The following INPP4B variants were observed in gnomAD, a reference collection of about 807,000 sequenced individuals.
INPP4B encodes inositol polyphosphate-4-phosphatase type II B, also known as inositol polyphosphate 4-phosphatase type II.
Under a neutral mutation model 122.5 loss-of-function variants are expected in INPP4B, and 55 were observed. The ratio of observed to expected loss-of-function variants is 0.45; its 90% confidence interval spans 0.36 to 0.56. INPP4B has a LOEUF of 0.56. Ranked by LOEUF, INPP4B falls within the 20% of genes least tolerant of loss-of-function variation. The probability of loss-of-function intolerance (pLI) is 0.00; values close to 1 mark genes in which losing one functional copy is unlikely to be tolerated. For missense variants in INPP4B, 1,000 were observed against 1,097.7 expected, an observed-to-expected ratio of 0.91 and a Z score of 1.26; for synonymous variants, 403 against 388.7, an observed-to-expected ratio of 1.04 and a Z score of -0.43.
intron 18 of INPP4B, among the ~76,000 whole-genome samples, chr4:142,130,275 T>C (rs753822889): frequency 1.3e-5 from 2 of 152,102 alleles, no homozygotes. Context: ...ACAAATCTAA[T>C]AAATAGATGC....
chr4:142,169,124 C>T (rs962593151), intron 16 of INPP4B, among the ~76,000 whole-genome samples: 1 of 151,516 alleles, frequency 6.6e-6, no homozygotes, highest in Non-Finnish European at 1.5e-5. Flanking sequence ...TGTTATCTTA[C>T]ATTCTTATCT....
rs138867457 is a variant in INPP4B at position 142,431,918 on chromosome 4, T to C, written c.-126-533A>G. Among the ~76,000 whole-genome samples the C allele has an allele frequency of 6.4e-4, 97 of 152,238 alleles. 1 individual carries two copies. The South Asian group carries it at 0.017, about 26-fold the overall frequency. On this transcript the variant is annotated intron_variant, in intron 3 of 25. Transcript: ENST00000262992. ...GAGTTTCCAACCTCATTATTATCCA[T>C]GGAGTCTTTTGCTGCTCTACTTGAT...
chr4:142,646,209 C>T (rs1009621220), intron 2 of INPP4B, among the ~76,000 whole-genome samples: 1 of 152,092 alleles, frequency 6.6e-6, no homozygotes, highest in Non-Finnish European at 1.5e-5. Context: ...AATTATATCT[C>T]AATGAAGTTG....
intron 23 of INPP4B, among the ~76,000 whole-genome samples, chr4:142,093,071 T>C (rs1457575639): frequency 6.6e-6 from 1 of 152,146 alleles, no homozygotes; most frequent in Non-Finnish European, 1.5e-5. Context: ...ATAATTCTCT[T>C]GGAACTTGCC....
chr4:142,396,387 G>A (rs545081914), intron 7 of INPP4B, among the ~76,000 whole-genome samples: 2 of 152,104 alleles, frequency 1.3e-5, no homozygotes, highest in South Asian at 4.1e-4. Context: ...TAGTCATCAG[G>A]AAAATGCCAA....
chr4:142,520,751 A>G (rs1347572324), intron 2 of INPP4B, among the ~76,000 whole-genome samples: 1 of 151,974 alleles, frequency 6.6e-6, no homozygotes, highest in African/African-American at 2.4e-5. Context: ...AATTTTATCT[A>G]CTACCCATAT....
At chr4:142,657,286 T>A (rs563286602) in intron 2 of INPP4B, among the ~76,000 whole-genome samples, 6 of 152,328 alleles carry the variant, frequency 3.9e-5, no homozygotes, top group Admixed American at 2.6e-4. Context: ...TAAAGACCAC[T>A]GGTAAAATTC....
chr4:142,089,744 C>T (rs1046962680), intron 23 of INPP4B, among the ~76,000 whole-genome samples: 2 of 152,164 alleles, frequency 1.3e-5, no homozygotes, highest in African/African-American at 4.8e-5. Context: ...GTATACATTG[C>T]ACTCGAAATT....
chr4:142,650,908 C>T (rs1180860491), intron 2 of INPP4B, among the ~76,000 whole-genome samples: 1 of 152,166 alleles, frequency 6.6e-6, no homozygotes, highest in Admixed American at 6.5e-5. Context: ...CCCAAATCAA[C>T]AGAATATGCA....
At chr4:142,032,815 C>G (rs1391173606) in intron 25 of INPP4B, among the ~76,000 whole-genome samples, 5 of 152,134 alleles carry the variant, frequency 3.3e-5, no homozygotes, top group Non-Finnish European at 7.4e-5. Flanking sequence ...TCAATTCTTA[C>G]AAAGTTCTTA....
chr4:142,178,454 GA>G (rs1176614737), intron 15 of INPP4B, among the ~76,000 whole-genome samples: 6 of 152,172 alleles, frequency 3.9e-5, no homozygotes, highest in Non-Finnish European at 8.8e-5. Flanking sequence ...AGGCAGACAA[GA>G]AGAGAAATAT....
intron 7 of INPP4B, among the ~76,000 whole-genome samples, chr4:142,357,913 G>T (rs938942066): frequency 5.3e-5 from 8 of 151,868 alleles, no homozygotes; most frequent in African/African-American, 1.7e-4. Context: ...GATATTTTTT[G>T]AATTGAAGTA....
intron 1 of INPP4B, among the ~76,000 whole-genome samples, chr4:142,818,937 GA>G (rs535112440): frequency 3.7e-4 from 57 of 152,264 alleles, no homozygotes; most frequent in African/African-American, 1.2e-3. Context: ...TGAATGCCAA[GA>G]GGACAAGCAC....
intron 2 of INPP4B, among the ~76,000 whole-genome samples, chr4:142,586,251 G>C (rs1456501021): frequency 6.6e-6 from 1 of 151,934 alleles, no homozygotes; most frequent in Non-Finnish European, 1.5e-5. Flanking sequence ...AGCAGAGTTT[G>C]TACTGAGCCA....
At chr4:142,411,396 T>C (rs983902034) in intron 5 of INPP4B, among the ~76,000 whole-genome samples, 2 of 152,198 alleles carry the variant, frequency 1.3e-5, no homozygotes, top group African/African-American at 2.4e-5. Flanking sequence ...AGCTTCTTTT[T>C]CTTGCAATTA....
intron 2 of INPP4B, among the ~76,000 whole-genome samples, chr4:142,564,543 T>C (rs939359722): frequency 6.6e-6 from 1 of 151,260 alleles, no homozygotes; most frequent in Non-Finnish European, 1.5e-5. Context: ...ATAAATATCT[T>C]GGATTGAAGT....
chr4:142,274,305 T>C (rs1747343076), intron 9 of INPP4B, among the ~76,000 whole-genome samples: 1 of 151,846 alleles, frequency 6.6e-6, no homozygotes, highest in Non-Finnish European at 1.5e-5. Flanking sequence ...TAAGTGCATA[T>C]CACTTCAGTT....
At position 142,353,509 on chromosome 4, in the gene INPP4B, C is replaced by T. The variant is rs61130319; in HGVS notation, c.373-38747G>A. On this transcript the variant is annotated intron_variant, in intron 7 of 25. Coordinates refer to ENST00000262992, the MANE Select transcript of INPP4B (RefSeq NM_001101669.3). ...GCAATAACTTCTCTTCTCAGACTCT[C>T]CATGCCTTCCATAGGTGGCAATCAG... 4.0e-3 allele frequency among the ~76,000 whole-genome samples: 606 copies of T among 152,116 alleles called. 2 individuals carry two copies. Among genetic ancestry groups the T allele is most frequent in the African/African-American group, 0.014 (572 of 41,534 alleles).
intron 1 of INPP4B, among the ~76,000 whole-genome samples, chr4:142,737,736 A>C (rs937678066): frequency 6.6e-6 from 1 of 152,214 alleles, no homozygotes; most frequent in African/African-American, 2.4e-5. Context: ...TAATATCCAG[A>C]ATCTACAATG....
Sources: gnomAD v4.1 joint callset for allele counts (sites outside exome capture counted in the v4.1 genomes callset) on GRCh38, gnomAD v4.1.1 for gene constraint, MANE v1.5 for transcripts, NCBI Gene and HGNC (gene_info 2026-07-23, HGNC 2026-07-21) for gene names.